The following ADAM11 variants were observed in gnomAD, a reference collection of about 807,000 sequenced individuals.
The protein encoded by ADAM11 is ADAM metallopeptidase domain 11.
In ADAM11, 49 loss-of-function variants were observed where a neutral mutation model predicts 119.1. The ratio of observed to expected loss-of-function variants is 0.41; its 90% CI spans 0.33 to 0.52. ADAM11 has a LOEUF of 0.52. Among genes scored for constraint, ADAM11 ranks in the 20% least tolerant of loss-of-function variants. The pLI, the probability that ADAM11 is intolerant of heterozygous loss-of-function variation, is 0.20. For missense variants in ADAM11, 777 were observed against 1,047.5 expected, an observed-to-expected ratio of 0.74 and a Z score of 3.56; for synonymous variants, 364 against 408.0, an observed-to-expected ratio of 0.89 and a Z score of 1.30.
rs753405383 is a variant in ADAM11 at position 44,776,964 on chromosome 17, T to G, written c.1681+2T>G. ...AGTGCCAGGTTCTTTGGGGCCATGG[T>G]GAGTCTGGCTAGGGCTGGGAGTGGG... On this transcript the variant is annotated splice_donor_variant, in intron 20 of 26. Coordinates refer to ENST00000200557, the MANE Select transcript of ADAM11 (RefSeq NM_002390.6). LOFTEE classifies it high-confidence loss of function. The surrounding 1 kb of genome is among the most constrained non-coding windows in gnomAD (Gnocchi z 5.2). 8.7e-6 allele frequency: 14 copies of G among 1,611,958 alleles called. No individual in the cohort carries two copies. Among genetic ancestry groups the G allele is most frequent in the Non-Finnish European group, 1.1e-5 (13 of 1,178,344 alleles).
Position 44,759,227 on chromosome 17 carries a change from G to A in ADAM11, c.28G>A (p.Ala10Thr). Reference protein sequence around the residue: MRLLRRWAFAALLLSLLPTP... With the variant: MRLLRRWAFTALLLSLLPTP... ...GAGGCTGCTGCGGCGCTGGGCGTTCGCGGCTCTGCTGCTGTCGCTGCTCCC... is the reference window on the plus strand; with the variant it reads ...GAGGCTGCTGCGGCGCTGGGCGTTCACGGCTCTGCTGCTGTCGCTGCTCCC... Residue 10 changes from alanine to threonine, a missense_variant, in exon 1 of 27, where the codon GCG (alanine) becomes ACG (threonine). Coordinates refer to ENST00000200557, the MANE Select transcript of ADAM11 (RefSeq NM_002390.6). 1 of 1,437,774 alleles carries A rather than the reference G, an allele frequency of 7.0e-7. No individual in the cohort carries two copies. Among genetic ancestry groups the A allele is most frequent in the Non-Finnish European group, 9.1e-7 (1 of 1,097,140 alleles). The allele number at this position is 1,437,774 out of a possible 1,614,324, so 89.1% of individuals were successfully genotyped here. A position where few individuals can be genotyped will look rare whatever the true frequency, so the allele number is the denominator to read the frequency against.
chr17:44,776,041 G>T lies in ADAM11; in HGVS notation c.1486-86G>T, dbSNP rs1324507001. 5 of 1,496,692 alleles carry T rather than the reference G, an allele frequency of 3.3e-6. No homozygotes were observed. The East Asian group carries it at 6.8e-5, about 20-fold the overall frequency. 92.7% of individuals were successfully genotyped at this position (1,496,692 alleles called of 1,614,324 possible). A position where few individuals can be genotyped will look rare whatever the true frequency, so the allele number is the denominator to read the frequency against. On this transcript the variant is annotated intron_variant, in intron 17 of 26. Transcript: ENST00000200557. This position sits in a 1 kb window ranked among gnomAD's most constrained non-coding sequence, Gnocchi z 5.2. ...CTGGGGAGCTGGAGGGCCCGGGGAT[G>T]TGGGGGTCCAGAGAGCGAGGGGCCT...
chr17:44,777,504 C>T lies in ADAM11; in HGVS notation c.1804C>T (p.Leu602Phe). The part of the protein sequence containing the change: ...SKQDVLCGFL[L>F]CVNISGAPRL... ...CAGGGACGTGCTGTGTGGCTTCCTC[C>T]TCTGTGTCAACATCTCTGGAGCTCC... Residue 602 changes from leucine (L) to phenylalanine (F), a missense_variant, in exon 22 of 27, where the codon CTC (leucine) becomes TTC (phenylalanine). Physicochemically the swap from Leu to Phe is conservative, Grantham distance 22. Transcript: ENST00000200557. This position sits in a 1 kb window ranked among gnomAD's most constrained non-coding sequence, Gnocchi z 5.1. 2 of 1,614,200 alleles carry T rather than the reference C, an allele frequency of 1.2e-6. No homozygotes were observed. Among genetic ancestry groups the T allele is most frequent in the Non-Finnish European group, 1.7e-6 (2 of 1,180,032 alleles).
chr17:44,769,739 A>T lies in ADAM11; in HGVS notation c.259A>T (p.Ser87Cys), dbSNP rs1216161708. 6.2e-7 allele frequency: 1 copy of T among 1,612,902 alleles called. No homozygotes were observed. The highest frequency in any genetic ancestry group is 8.5e-7 in the Non-Finnish European group (1 of 1,179,206). ...GGPPVHLAQV[S>C]FVIPAFNSNF... ...CCAGCCTGTCCATCTGGCCCAGGTG[A>T]GTTTCGTCATCCCAGCCTTCAACTC... Residue 87 changes from serine (S) to cysteine (C), a missense_variant, in exon 3 of 27, where the codon AGT becomes TGT. This residue lies in a region of ADAM11 where 278 missense variants were observed against 310.1 expected (regional missense o/e 0.90). Coordinates refer to ENST00000200557, the MANE Select transcript of ADAM11 (RefSeq NM_002390.6).
rs922735184 is a variant in ADAM11, at chr17:44,776,411, C to G, written c.1566+204C>G. Among the ~76,000 whole-genome samples the G allele has an allele frequency of 6.6e-6, 1 of 152,162 alleles. No individual in the cohort carries two copies. Among genetic ancestry groups the G allele is most frequent in the African/African-American group, 2.4e-5 (1 of 41,436 alleles). On this transcript the variant is annotated intron_variant, in intron 18 of 26. Coordinates refer to ENST00000200557, the MANE Select transcript of ADAM11 (RefSeq NM_002390.6). This position sits in a 1 kb window ranked among gnomAD's most constrained non-coding sequence, Gnocchi z 5.2. ...CTTCAATCATTAAACCAGAATGTAT[C>G]GTCTGGCTGGTATTCCCAGCGCCTG...
At chr17:44,779,390 G>T in intron 26 of ADAM11, 151 bp downstream of exon 26, 5 of 1,454,350 alleles carry the variant, frequency 3.4e-6, no homozygotes, top group Non-Finnish European at 4.5e-6. Flanking sequence ...TGTCCCGGCA[G>T]GGGTGGGAGA....
chr17:44,773,628 T>C lies in ADAM11; in HGVS notation c.992+201T>C, dbSNP rs2049559259. On this transcript the variant is annotated intron_variant, in intron 11 of 26. Transcript: ENST00000200557. This position sits in a 1 kb window ranked among gnomAD's most constrained non-coding sequence, Gnocchi z 4.6. ...GAGGTTGATGCCCTTGTCTTAGCCC[T>C]GGTGGTCCTCTTCTGCCTCTCACCT... 6.6e-6 allele frequency among the ~76,000 whole-genome samples: 1 copy of C among 152,204 alleles called. No homozygotes were observed. The highest frequency in any genetic ancestry group is 6.5e-5 in the Admixed American group (1 of 15,276).
chr17:44,771,815 C>T lies in ADAM11; in HGVS notation c.527C>T (p.Pro176Leu), dbSNP rs1420910246. 4 of 1,611,504 alleles carry T rather than the reference C, an allele frequency of 2.5e-6. No individual in the cohort carries two copies. Among genetic ancestry groups the T allele is most frequent in the Non-Finnish European group, 3.4e-6 (4 of 1,177,912 alleles). Reference protein sequence around the residue: ...YIVEPQEVAGPWGAPQGPLPH... With the variant: ...YIVEPQEVAGLWGAPQGPLPH... ...GTGGAGCCCCAAGAGGTGGCTGGAC[C>T]TTGGGGAGCCCCTCAGGTAAGCCCC... Residue 176 changes from proline (P) to leucine (L), a missense_variant, in exon 6 of 27, where the codon CCT becomes CTT. By Grantham distance (98) the Pro-to-Leu change is moderately conservative. Coordinates refer to ENST00000200557, the MANE Select transcript of ADAM11 (RefSeq NM_002390.6).
intron 2 of ADAM11, among the ~76,000 whole-genome samples, chr17:44,761,155 C>A (rs1056888151): frequency 6.8e-6 from 1 of 146,862 alleles, no homozygotes; most frequent in African/African-American, 2.4e-5. Context: ...TCACTCCCTA[C>A]CTGTGAACTG....
In ADAM11 at chr17:44,775,718, G is replaced by A; in HGVS notation, c.1485+42G>A. On this transcript the variant is annotated intron_variant, in intron 17 of 26. Coordinates refer to ENST00000200557, the MANE Select transcript of ADAM11 (RefSeq NM_002390.6). The surrounding 1 kb of genome is among the most constrained non-coding windows in gnomAD (Gnocchi z 7.5). ...GGGAGGCGGGGCCAGGACGCAGGAG[G>A]AGCGATTGGAGGCCTTCATATAAGG... The A allele has an allele frequency of 2.0e-6, 3 of 1,534,528 alleles. No homozygotes were observed. Among genetic ancestry groups the A allele is most frequent in the Non-Finnish European group, 2.6e-6 (3 of 1,142,136 alleles).
chr17:44,774,009 T>C (rs1264157070), intron 11 of ADAM11, among the ~76,000 whole-genome samples: 1 of 152,106 alleles, frequency 6.6e-6, no homozygotes, highest in Non-Finnish European at 1.5e-5. Context: ...GAGAATCGTT[T>C]GAACCCAGGA....
At chr17:44,771,735 G>C in intron 5 of ADAM11, 21 bp from the exon 6 acceptor site, 1 of 1,613,048 alleles carries the variant, frequency 6.2e-7, no homozygotes, top group Non-Finnish European at 8.5e-7. Flanking sequence ...ACGGAGGGGA[G>C]CTGCGCCTCT....
chr17:44,772,139 A>G lies in ADAM11; in HGVS notation c.544-128A>G, dbSNP rs2049531547. 1.1e-6 allele frequency: 1 copy of G among 917,134 alleles called. No individual in the cohort carries two copies. The highest frequency in any genetic ancestry group is 1.7e-6 in the Non-Finnish European group (1 of 604,276). 56.8% of individuals were successfully genotyped at this position (917,134 alleles called of 1,614,324 possible). A position where few individuals can be genotyped will look rare whatever the true frequency, so the allele number is the denominator to read the frequency against. ...GAGCATCTGGGAGATCAGATCCGAC[A>G]TGGGAGCTGTGGCCAGTTCTGGGTC... On this transcript the variant is annotated intron_variant, in intron 6 of 26. Transcript: ENST00000200557. The surrounding 1 kb of genome is among the most constrained non-coding windows in gnomAD (Gnocchi z 4.5).
chr17:44,778,211 A>G lies in ADAM11; in HGVS notation c.2245A>G (p.Ile749Val), dbSNP rs1598895499. The part of the protein sequence containing the change: ...SIAGAVLVAA[I>V]VLGGTGWGFK... ...TGCTGGGGCTGTCCTGGTTGCAGCC[A>G]TCGTCCTGGGCGGCACGGGCTGGGG... The change falls in exon 25 of 27, where the codon ATC (isoleucine) becomes GTC (valine). Residue 749 changes from isoleucine (I) to valine (V), a missense_variant. This residue lies in a region of ADAM11 where 348 missense variants were observed against 486.7 expected (regional missense o/e 0.72). Transcript: ENST00000200557. The G allele has an allele frequency of 1.2e-6, 2 of 1,613,762 alleles. No homozygotes were observed. The highest frequency in any genetic ancestry group is 1.3e-5 in the African/African-American group (1 of 75,030).
In ADAM11 at chr17:44,776,929, C is replaced by T. The variant is rs775826643; in HGVS notation, c.1648C>T (p.Arg550Trp). 2.5e-6 allele frequency: 4 copies of T among 1,613,198 alleles called. No individual in the cohort carries two copies. The highest frequency in any genetic ancestry group is 1.7e-4 in the Middle Eastern group (1 of 6,054). ...CTGCTACGGAGGTCGCTGCAAAACCCGGGACCGGCAGTGCCAGGTTCTTTG... is the reference window on the plus strand; with the variant it reads ...CTGCTACGGAGGTCGCTGCAAAACCTGGGACCGGCAGTGCCAGGTTCTTTG... The part of the protein sequence containing the change: ...GRCYGGRCKT[R>W]DRQCQVLWGH... Residue 550 changes from arginine to tryptophan, a missense_variant, in exon 20 of 27, where the codon CGG (arginine) becomes TGG (tryptophan). Transcript: ENST00000200557. The surrounding 1 kb of genome is among the most constrained non-coding windows in gnomAD (Gnocchi z 5.2).
chr17:44,772,513 A>T lies in ADAM11; in HGVS notation c.678+47A>T, dbSNP rs1226506041. On this transcript the variant is annotated intron_variant, in intron 8 of 26. Coordinates refer to ENST00000200557, the MANE Select transcript of ADAM11 (RefSeq NM_002390.6). This position sits in a 1 kb window ranked among gnomAD's most constrained non-coding sequence, Gnocchi z 4.5. ...TCGGGCTGCAGAGACCTCGGGCTGC[A>T]GAGAGACCTCAGGCCGTGGCCCAGA... 1.3e-6 allele frequency: 2 copies of T among 1,544,426 alleles called. No individual in the cohort carries two copies. The highest frequency in any genetic ancestry group is 1.7e-6 in the Non-Finnish European group (2 of 1,142,894).
chr17:44,777,571 T>G lies in ADAM11; in HGVS notation c.1871T>G (p.Phe624Cys). 1 of 1,614,130 alleles carries G rather than the reference T, an allele frequency of 6.2e-7. No homozygotes were observed. Among genetic ancestry groups the G allele is most frequent in the South Asian group, 1.1e-5 (1 of 91,084 alleles). ...GTGGGAGACATCAGTAGTGTCACCT[T>G]CTACCACCAGGGCAAGGAGCTGGAC... ...DLVGDISSVT[F>C]YHQGKELDCR... Residue 624 changes from phenylalanine (F) to cysteine (C), a missense_variant, in exon 22 of 27, where the codon TTC becomes TGC. This residue lies in a region of ADAM11 where 348 missense variants were observed against 486.7 expected (regional missense o/e 0.72). Transcript: ENST00000200557. This position sits in a 1 kb window ranked among gnomAD's most constrained non-coding sequence, Gnocchi z 5.1.
chr17:44,769,492 G>C (rs2049490522), intron 2 of ADAM11, among the ~76,000 whole-genome samples: 1 of 152,230 alleles, frequency 6.6e-6, no homozygotes, highest in South Asian at 2.1e-4. Flanking sequence ...GGCAGAAAGG[G>C]GGCTGTGCCC....
Position 44,774,336 on chromosome 17 carries a change from TG to T in ADAM11, c.1040del (p.Gly347AlafsTer11). The T allele has an allele frequency of 6.8e-7, 1 of 1,472,716 alleles. No homozygotes were observed. Among genetic ancestry groups the T allele is most frequent in the Non-Finnish European group, 9.0e-7 (1 of 1,107,930 alleles). 91.2% of individuals were successfully genotyped at this position (1,472,716 alleles called of 1,614,324 possible). ...AGCACGAGCAGCGGGGCAGCCTACG[TG>T]GGGGGCATATGCTCCCTGTCCCACG... ...FQSTSSGAAY[V>X]GGICSLSHGG... On this transcript the variant is annotated frameshift_variant, in exon 12 of 27. Coordinates refer to ENST00000200557, the MANE Select transcript of ADAM11 (RefSeq NM_002390.6). LOFTEE classifies it high-confidence loss of function.
Sources: allele counts gnomAD v4.1 joint callset (sites outside exome capture counted in the v4.1 genomes callset), GRCh38; gene constraint gnomAD v4.1.1; regional missense constraint gnomAD v4.1.1; non-coding constraint Gnocchi (gnomAD v3.1); transcripts MANE v1.5; gene names NCBI Gene and HGNC (gene_info 2026-07-23, HGNC 2026-07-21).